The following CPNE7 variants were observed in gnomAD, a reference collection of about 807,000 sequenced individuals.
The protein encoded by CPNE7 is copine-7.
A neutral mutation model predicts 66.5 loss-of-function variants in CPNE7; 78 were observed. The observed-to-expected ratio is 1.17, with a 90% CI of 0.98 to 1.42. The LOEUF is 1.42. CPNE7 is among the 40% of genes most tolerant of loss of function. The pLI is 0.00. For synonymous variants in CPNE7, 468 were observed against 336.7 expected (o/e 1.39, Z -4.27); for missense variants, 1,012 against 776.6 (o/e 1.30, Z -3.60).
intron 2 of CPNE7, among the ~76,000 whole-genome samples, chr16:89,579,246 C>G (rs980925576): frequency 6.6e-6 from 1 of 151,796 alleles, no homozygotes; most frequent in South Asian, 2.1e-4. Flanking sequence ...GAGCCGAGAT[C>G]GCGCCACTGC....
chr16:89,585,585 A>T (rs1567957625), intron 6 of CPNE7, 32 bp downstream of exon 6: 6 of 1,433,010 alleles, frequency 4.2e-6, no homozygotes, highest in South Asian at 2.3e-5. Context: ...GGGGGCAGTG[A>T]GGGGGTGGCC....
At chr16:89,587,214 C>CCCTCCCCGCCCCCTCAGTCCGTGG in intron 9 of CPNE7, 112 bp downstream of exon 9, 1 of 445,480 alleles carries the variant, frequency 2.2e-6, no homozygotes, top group Non-Finnish European at 3.9e-6. Context: ...GTGGCCCCGC[C>CCCTCCCCGCCCCCTCAGTCCGTGG]CATCCCCGCC....
chr16:89,586,854 G>T (rs560482656), intron 8 of CPNE7, 98 bp downstream of exon 8: 2 of 1,234,940 alleles, frequency 1.6e-6, no homozygotes, highest in South Asian at 1.2e-5. Flanking sequence ...AGGCCTGGTG[G>T]GCCCCAGCAC....
chr16:89,579,811 GTCACACGGAACATCCCACACCCA>G (rs1567952394), intron 2 of CPNE7, among the ~76,000 whole-genome samples: 2 of 74,710 alleles, frequency 2.7e-5, no homozygotes, highest in Non-Finnish European at 5.8e-5. Flanking sequence ...CATCTCACCC[GTCACACGGAACATCCCACACCCA>G]TCACACGGAA....
At chr16:89,594,606 C>A (rs2059223633) in intron 13 of CPNE7, among the ~76,000 whole-genome samples, 1 of 129,306 alleles carries the variant, frequency 7.7e-6, no homozygotes, top group Admixed American at 7.8e-5. Context: ...TTTTTTTAAA[C>A]AATGGAAGTT....
rs115772184 is a variant in CPNE7 at position 89,582,792 on chromosome 16, C to T, written c.358-905C>T. 2.4e-3 allele frequency among the ~76,000 whole-genome samples: 371 copies of T among 152,390 alleles called. 2 individuals carry two copies. The highest frequency in any genetic ancestry group is 8.2e-3 in the African/African-American group (342 of 41,596). ...AACCTACCTCATTGTGACCTCCCAG[C>T]ATCCGCCAGGCAGTAGCAGGTGTGA... On this transcript the variant is annotated intron_variant, in intron 2 of 14. Transcript: ENST00000319518.
intron 1 of CPNE7, among the ~76,000 whole-genome samples, 185 bp downstream of exon 1, chr16:89,576,256 T>C (rs929726420): frequency 2.2e-5 from 3 of 137,118 alleles, no homozygotes; most frequent in African/African-American, 8.4e-5. Flanking sequence ...TCCAGAGCTG[T>C]GGGGAGAGGC....
Position 89,575,953 on chromosome 16 carries a change from C to A in CPNE7, c.56C>A (p.Pro19His). The A allele has an allele frequency of 7.4e-7, 1 of 1,347,540 alleles. No individual in the cohort carries two copies. The highest frequency in any genetic ancestry group is 9.5e-7 in the Non-Finnish European group (1 of 1,048,662). 83.5% of individuals were successfully genotyped at this position (1,347,540 alleles called of 1,614,324 possible). Residue 19 changes from proline to histidine, a missense_variant, in exon 1 of 15, where the codon CCC becomes CAC. Physicochemically the swap from Pro to His is moderately conservative, Grantham distance 77. Coordinates refer to ENST00000319518, the MANE Select transcript of CPNE7 (RefSeq NM_153636.3). ...AAATPGGLPA[P>H]CASKVELRLS... The stretch of plus-strand genomic sequence containing the variant: ...GCAACCCCCGGGGGTTTGCCCGCGC[C>A]CTGCGCCTCGAAGGTGGAGCTGCGG...
intron 2 of CPNE7, among the ~76,000 whole-genome samples, chr16:89,581,873 C>A (rs76751818): frequency 6.6e-6 from 1 of 152,116 alleles, no homozygotes; most frequent in Non-Finnish European, 1.5e-5. Flanking sequence ...CTTGAACTCC[C>A]GGGCTCACCG....
rs548524718 is a variant in CPNE7, at chr16:89,595,599, A to G, written c.1535A>G (p.Lys512Arg). The G allele has an allele frequency of 1.2e-6, 2 of 1,601,134 alleles. No homozygotes were observed. Among genetic ancestry groups the G allele is most frequent in the Admixed American group, 3.4e-5 (2 of 59,546 alleles). Residue 512 changes from lysine (K) to arginine (R), a missense_variant, in exon 14 of 15, where the codon AAG (lysine) becomes AGG (arginine). Physicochemically the swap from Lys to Arg is conservative, Grantham distance 26 (BLOSUM62 2). Coordinates refer to ENST00000319518, the MANE Select transcript of CPNE7 (RefSeq NM_153636.3). ...IVQFVPFREL[K>R]NASPAALAKC... ...CAGTTCGTGCCCTTCCGGGAGCTCA[A>G]GAACGTGAGTGTCCTGGAGGGGCTC...
intron 1 of CPNE7, among the ~76,000 whole-genome samples, 175 bp from the exon 2 acceptor site, chr16:89,577,364 C>T (rs1020690573): frequency 6.6e-6 from 1 of 152,120 alleles, no homozygotes; most frequent in Non-Finnish European, 1.5e-5. Context: ...AGGGGTGACC[C>T]CCAGGGTGGC....
At chr16:89,576,224 T>C (rs1171545134) in intron 1 of CPNE7, among the ~76,000 whole-genome samples, 153 bp downstream of exon 1, 1 of 151,532 alleles carries the variant, frequency 6.6e-6, no homozygotes, top group Non-Finnish European at 1.5e-5. Context: ...GGTTGGGGGT[T>C]ACCAGGTCTG....
At chr16:89,578,710 A>G in intron 2 of CPNE7, 2 of 1,195,774 alleles carry the variant, frequency 1.7e-6, no homozygotes, top group South Asian at 2.2e-5. Flanking sequence ...CAGTGAGTGG[A>G]GATCTCACCA....
rs747990882 is a variant in CPNE7 at position 89,588,836 on chromosome 16, CT to C, written c.1061+29del. ...GCGCCCACCACCTTCCCCTCACCCC[CT>C]GGTCTCCAGGTCAGCTATGACAGGT... On this transcript the variant is annotated intron_variant, in intron 10 of 14. Transcript: ENST00000319518. The C allele has an allele frequency of 1.2e-5, 20 of 1,608,644 alleles. No individual in the cohort carries two copies. In the East Asian group the frequency reaches 3.4e-4, roughly 27 times the overall value.
At chr16:89,587,194 CCCTCAGTCTGTGG>C in intron 9 of CPNE7, 92 bp downstream of exon 9, 1 of 639,666 alleles carries the variant, frequency 1.6e-6, no homozygotes, top group Non-Finnish European at 2.6e-6. Context: ...CCTCCCCGCC[CCCTCAGTCTGTGG>C]CCCCGCCCAT....
In CPNE7 at chr16:89,584,818, C is replaced by G. The variant is rs1476209203; in HGVS notation, c.552C>G (p.Val184=). Residue 184 remains valine, a synonymous_variant, in exon 5 of 15, where the codon GTC becomes GTG. Transcript: ENST00000319518. This position sits in a 1 kb window ranked among gnomAD's most constrained non-coding sequence, Gnocchi z 6.0. ...ACCCCTTCCTGGAGCTCTACAGGGT[C>G]AACGACGACCAGGGCTTGCAGCTGG... ...KSDPFLELYR[V]NDDQGLQLVY... is the part of the protein sequence containing the mutation. 1 of 1,613,634 alleles carries G rather than the reference C, an allele frequency of 6.2e-7. No individual in the cohort carries two copies. The highest frequency in any genetic ancestry group is 2.2e-5 in the East Asian group (1 of 44,884).
intron 2 of CPNE7, among the ~76,000 whole-genome samples, chr16:89,580,118 G>A (rs1301056388): frequency 2.5e-5 from 1 of 40,650 alleles, no homozygotes; most frequent in African/African-American, 6.8e-5. Context: ...AGAACATCCC[G>A]TCACCCGCTG....
intron 2 of CPNE7, among the ~76,000 whole-genome samples, chr16:89,578,642 C>T (rs1043424806): frequency 4.0e-5 from 6 of 151,576 alleles, no homozygotes; most frequent in Non-Finnish European, 8.8e-5. Flanking sequence ...TGCCTGTAAT[C>T]CCAGCTACTC....
chr16:89,591,306 G>A (rs1487521767), intron 13 of CPNE7, 46 bp downstream of exon 13: 10 of 1,510,814 alleles, frequency 6.6e-6, no homozygotes, highest in South Asian at 2.6e-5. Flanking sequence ...GGGGTCGGCT[G>A]TGTGTGCACC....
Sources: gnomAD v4.1 joint callset for allele counts (sites outside exome capture counted in the v4.1 genomes callset) on GRCh38, gnomAD v4.1.1 for gene constraint, Gnocchi (gnomAD v3.1) non-coding constraint, MANE v1.5 for transcripts, NCBI Gene and HGNC (gene_info 2026-07-23, HGNC 2026-07-21) for gene names.